Variants in CFAP299 observed in about 807,000 individuals in gnomAD.
CFAP299 encodes cilia and flagella associated protein 299, also known as cilia- and flagella-associated protein 299.
In CFAP299, 21 loss-of-function variants were observed where a neutral mutation model predicts 27.0. That is an observed-to-expected ratio of 0.78 (90% CI 0.55 to 1.12). The LOEUF (loss-of-function observed/expected upper bound fraction) is 1.12, where lower values mean the gene tolerates loss of function less well. CFAP299 is among the 50% of genes most tolerant of loss of function. CFAP299 has a pLI of 0.00. For synonymous variants in CFAP299, 104 were observed against 98.1 expected (o/e 1.06, Z -0.36); for missense variants, 310 against 276.6 (o/e 1.12, Z -0.86).
At chr4:80,625,157 C>A (rs1738817996) in intron 3 of CFAP299, among the ~76,000 whole-genome samples, 1 of 152,010 alleles carries the variant, frequency 6.6e-6, no homozygotes, top group Non-Finnish European at 1.5e-5. Context: ...TAAGACAAAA[C>A]TATTAAAAAT....
chr4:80,844,197 A>G (rs1731032671), intron 3 of CFAP299, among the ~76,000 whole-genome samples: 1 of 152,214 alleles, frequency 6.6e-6, no homozygotes, highest in Admixed American at 6.5e-5. Flanking sequence ...TATTGTGAAT[A>G]GTGCCACAAT....
chr4:80,346,711 C>T (rs1722748308), intron 1 of CFAP299, among the ~76,000 whole-genome samples: 1 of 152,174 alleles, frequency 6.6e-6, no homozygotes, highest in South Asian at 2.1e-4. Context: ...TAGCATGATG[C>T]CTCCAGCTTT....
intron 2 of CFAP299, among the ~76,000 whole-genome samples, chr4:80,473,590 A>T (rs1429091628): frequency 6.6e-6 from 1 of 151,256 alleles, no homozygotes; most frequent in Admixed American, 6.6e-5. Context: ...TTTTTTTTTG[A>T]GACAGGATCT....
At chr4:80,487,911 T>C (rs1005858813) in intron 2 of CFAP299, among the ~76,000 whole-genome samples, 1 of 152,214 alleles carries the variant, frequency 6.6e-6, no homozygotes, top group Non-Finnish European at 1.5e-5. Flanking sequence ...GGAAAAGTAA[T>C]GATGGTTCAG....
chr4:80,903,675 A>T (rs1267998077), intron 4 of CFAP299, among the ~76,000 whole-genome samples: 3 of 152,092 alleles, frequency 2.0e-5, no homozygotes, highest in Non-Finnish European at 4.4e-5. Context: ...CATAGATGAT[A>T]ATATTTTTTT....
At position 80,894,264 on chromosome 4, in the gene CFAP299, G is replaced by A. The variant is rs1202388292; in HGVS notation, c.476+24129G>A. On this transcript the variant is annotated intron_variant, in intron 4 of 5. Coordinates refer to ENST00000358105, the MANE Select transcript of CFAP299 (RefSeq NM_152770.3). ...AAAGAGAATCTTTGTACATTATGAA[G>A]GCTAAACCTAGAGTCAGTTTCTTTG... 4.2e-4 allele frequency among the ~76,000 whole-genome samples: 64 copies of A among 151,766 alleles called. 1 individual carries two copies. Among genetic ancestry groups the A allele is most frequent in the Admixed American group, 4.2e-3 (64 of 15,212 alleles).
At chr4:80,900,761 T>C (rs112219071) in intron 4 of CFAP299, among the ~76,000 whole-genome samples, 7,247 of 151,800 alleles carry the variant, frequency 0.048, 526 homozygotes, top group African/African-American at 0.15. Flanking sequence ...TAAATAATAA[T>C]AATAATAATA....
At chr4:80,891,977 A>G (rs1164857940) in intron 4 of CFAP299, among the ~76,000 whole-genome samples, 1 of 151,928 alleles carries the variant, frequency 6.6e-6, no homozygotes, top group Admixed American at 6.6e-5. Flanking sequence ...CAAAATACCA[A>G]TGCCATTCTT....
chr4:80,955,115 A>G (rs1172370109), intron 5 of CFAP299, among the ~76,000 whole-genome samples: 1 of 150,298 alleles, frequency 6.7e-6, no homozygotes, highest in African/African-American at 2.5e-5. Flanking sequence ...AATAAATCCC[A>G]CTTGAGAATT....
intron 2 of CFAP299, among the ~76,000 whole-genome samples, chr4:80,543,915 G>C (rs1222618479): frequency 1.3e-5 from 2 of 151,674 alleles, no homozygotes; most frequent in Non-Finnish European, 2.9e-5. Context: ...CAGTGGAAAA[G>C]AAAAAAAATC....
rs376553816 is a variant in CFAP299 at position 80,531,538 on chromosome 4, C to A, written c.243-51555C>A. ...CTTCTAAATTTCCATCTTTTATTAT[C>A]TTTTAAAGTCTGCAGAGAAAAACCT... On this transcript the variant is annotated intron_variant, in intron 2 of 5. Transcript: ENST00000358105. Among the ~76,000 whole-genome samples, 15 of 152,182 alleles carry A rather than the reference C, an allele frequency of 9.9e-5. No homozygotes were observed. In the South Asian group the frequency reaches 3.1e-3, roughly 32 times the overall value.
rs575345108 is a variant in CFAP299 at position 80,616,631 on chromosome 4, G to A, written c.333+33448G>A. Among the ~76,000 whole-genome samples, 7 of 152,008 alleles carry A rather than the reference G, an allele frequency of 4.6e-5. No individual in the cohort carries two copies. The South Asian group carries it at 6.2e-4, about 14-fold the overall frequency. ...GACAATGCTCGTCTCACTTCATTACGTGCTTTCCTGGGGGGCCCTAAGCAT... is the reference window on the plus strand; with the variant it reads ...GACAATGCTCGTCTCACTTCATTACATGCTTTCCTGGGGGGCCCTAAGCAT... On this transcript the variant is annotated intron_variant, in intron 3 of 5. Transcript: ENST00000358105.
intron 3 of CFAP299, among the ~76,000 whole-genome samples, chr4:80,630,782 A>G (rs1428393558): frequency 6.6e-6 from 1 of 152,084 alleles, no homozygotes; most frequent in Non-Finnish European, 1.5e-5. Flanking sequence ...TTTCATTAAT[A>G]GCAGATTTTC....
intron 3 of CFAP299, among the ~76,000 whole-genome samples, chr4:80,726,728 G>A (rs1723186053): frequency 1.3e-5 from 2 of 152,086 alleles, no homozygotes; most frequent in Non-Finnish European, 2.9e-5. Flanking sequence ...AACATTGTGG[G>A]GACTGACTGT....
rs1278029006 is a variant in CFAP299 at position 80,782,637 on chromosome 4, T to C, written c.334-87356T>C. On this transcript the variant is annotated intron_variant, in intron 3 of 5. Transcript: ENST00000358105. ...TAATATATAATATATTCATATATAA[T>C]ATACATATATGAATATATAATATAT... is the stretch of plus-strand genomic sequence containing the variant. 4.2e-4 allele frequency among the ~76,000 whole-genome samples: 49 copies of C among 115,328 alleles called. 1 individual carries two copies. In the East Asian group the frequency reaches 6.5e-3, roughly 15 times the overall value. 75.7% of individuals were successfully genotyped at this position (115,328 alleles called of 152,430 possible). A position where few individuals can be genotyped will look rare whatever the true frequency, so the allele number is the denominator to read the frequency against.
chr4:80,541,840 ATGT>A (rs1269409053), intron 2 of CFAP299, among the ~76,000 whole-genome samples: 3 of 152,162 alleles, frequency 2.0e-5, no homozygotes, highest in Admixed American at 2.0e-4. Context: ...ATGTAAAATA[ATGT>A]TGTAGGAGTT....
intron 3 of CFAP299, among the ~76,000 whole-genome samples, chr4:80,804,675 G>A (rs963585469): frequency 3.9e-5 from 6 of 152,046 alleles, no homozygotes; most frequent in African/African-American, 1.4e-4. Context: ...TATTTTGTGT[G>A]ATATTTGTAT....
intron 3 of CFAP299, among the ~76,000 whole-genome samples, chr4:80,792,663 T>C (rs2110099944): frequency 6.6e-6 from 1 of 152,278 alleles, no homozygotes; most frequent in Non-Finnish European, 1.5e-5. Flanking sequence ...ATTTTCTTTA[T>C]ATTCTTGCAT....
intron 3 of CFAP299, among the ~76,000 whole-genome samples, chr4:80,837,550 C>T (rs1203692789): frequency 6.6e-6 from 1 of 152,018 alleles, no homozygotes; most frequent in Non-Finnish European, 1.5e-5. Flanking sequence ...GTTTTCTGTT[C>T]CTTTGTTAGT....
Sources: gnomAD v4.1 joint callset for allele counts (sites outside exome capture counted in the v4.1 genomes callset) on GRCh38, gnomAD v4.1.1 for gene constraint, MANE v1.5 for transcripts, NCBI Gene and HGNC (gene_info 2026-07-23, HGNC 2026-07-21) for gene names.